The following DGKB variants were observed in gnomAD, a reference collection of about 807,000 sequenced individuals.
DGKB encodes the protein diacylglycerol kinase beta.
DGKB carries 67 observed loss-of-function variants against 114.3 expected under a neutral mutation model. The ratio of observed to expected loss-of-function variants is 0.59; its 90% CI spans 0.48 to 0.72. DGKB has a LOEUF of 0.72. DGKB is among the 30% of genes least tolerant of loss of function. The pLI, the probability that DGKB is intolerant of heterozygous loss-of-function variation, is 0.00. For synonymous variants in DGKB, 398 were observed against 323.1 expected (o/e 1.23, Z -2.49); for missense variants, 907 against 975.2 (o/e 0.93, Z 0.93).
intron 23 of DGKB, among the ~76,000 whole-genome samples, chr7:14,247,852 G>A (rs1376528972): frequency 6.6e-6 from 1 of 151,908 alleles, no homozygotes; most frequent in African/African-American, 2.4e-5. Context: ...TTAGTTTGAT[G>A]CAATATCACT....
At chr7:14,463,823 C>T (rs573860956) in intron 21 of DGKB, among the ~76,000 whole-genome samples, 27 of 152,078 alleles carry the variant, frequency 1.8e-4, no homozygotes, top group African/African-American at 6.0e-4. Flanking sequence ...TAAAATAATC[C>T]AGAAAAATCA....
rs185094666 is a variant in DGKB, at chr7:14,563,982, T to A, written c.1770+10230A>T. ...CCATTTCTGTTCTCCTAAAGGCAGC[T>A]CTGTGTTAGACCCATCAGAGTTTCA... On this transcript the variant is annotated intron_variant, in intron 20 of 25. Transcript: ENST00000402815. 6.2e-4 allele frequency among the ~76,000 whole-genome samples: 95 copies of A among 152,328 alleles called. 2 individuals carry two copies. Among genetic ancestry groups the A allele is most frequent in the Non-Finnish European group, 1.3e-3 (87 of 68,028 alleles).
At chr7:14,951,455 A>G (rs1786195388) in intron 1 of DGKB, among the ~76,000 whole-genome samples, 1 of 152,076 alleles carries the variant, frequency 6.6e-6, no homozygotes, top group South Asian at 2.1e-4. Context: ...GGAAAAGGCT[A>G]TGAAGACAGT....
At chr7:14,877,534 A>G (rs900990207) in intron 1 of DGKB, among the ~76,000 whole-genome samples, 10 of 152,178 alleles carry the variant, frequency 6.6e-5, no homozygotes, top group African/African-American at 2.4e-4. Context: ...CAGCCCGGGG[A>G]AAAATAGCGA....
chr7:14,840,326 T>A (rs1035507428), intron 2 of DGKB, among the ~76,000 whole-genome samples: 2 of 152,268 alleles, frequency 1.3e-5, no homozygotes, highest in Admixed American at 6.5e-5. Flanking sequence ...TATTGCTTTT[T>A]CTGTACTCAT....
intron 21 of DGKB, among the ~76,000 whole-genome samples, chr7:14,466,907 G>A (rs1397032133): frequency 1.3e-5 from 2 of 152,020 alleles, no homozygotes; most frequent in Non-Finnish European, 2.9e-5. Flanking sequence ...CTCTTATTTT[G>A]ACCAGTCAAG....
chr7:14,945,891 T>A (rs1276675412), intron 1 of DGKB, among the ~76,000 whole-genome samples: 2 of 151,588 alleles, frequency 1.3e-5, no homozygotes, highest in Admixed American at 6.6e-5. Flanking sequence ...AGTAGACAAG[T>A]CACAACGTTT....
chr7:14,568,298 T>G (rs1440946018), intron 20 of DGKB, among the ~76,000 whole-genome samples: 1 of 152,182 alleles, frequency 6.6e-6, no homozygotes, highest in East Asian at 1.9e-4. Flanking sequence ...TCATTTCCGA[T>G]AGTTCTGGCT....
At chr7:14,876,112 T>C (rs768144450) in intron 1 of DGKB, among the ~76,000 whole-genome samples, 13 of 152,024 alleles carry the variant, frequency 8.6e-5, no homozygotes, top group Non-Finnish European at 1.3e-4. Context: ...CAGGGCGGAG[T>C]GGAAGCAGCT....
chr7:14,924,072 T>C (rs1784637982), intron 1 of DGKB, among the ~76,000 whole-genome samples: 1 of 151,256 alleles, frequency 6.6e-6, no homozygotes, highest in Non-Finnish European at 1.5e-5. Flanking sequence ...TCTGTCTTGA[T>C]TACTAACTAC....
intron 23 of DGKB, among the ~76,000 whole-genome samples, chr7:14,281,902 G>C (rs1800019176): frequency 7.3e-6 from 1 of 137,646 alleles, no homozygotes; most frequent in South Asian, 2.5e-4. Flanking sequence ...GCCCACAAGA[G>C]AAAGCAGGAA....
intron 23 of DGKB, among the ~76,000 whole-genome samples, chr7:14,313,860 C>T (rs1234665741): frequency 6.6e-6 from 1 of 152,194 alleles, no homozygotes; most frequent in East Asian, 1.9e-4. Flanking sequence ...CAGCAGTAAC[C>T]TCTGCAGACT....
chr7:14,952,696 C>T (rs1266192530), intron 1 of DGKB, among the ~76,000 whole-genome samples: 1 of 151,856 alleles, frequency 6.6e-6, no homozygotes, highest in Non-Finnish European at 1.5e-5. Flanking sequence ...GAAGAGGTTG[C>T]AGCAGTGAGC....
chr7:14,199,429 G>C (rs1785505450), intron 23 of DGKB, among the ~76,000 whole-genome samples: 1 of 151,924 alleles, frequency 6.6e-6, no homozygotes, highest in African/African-American at 2.4e-5. Context: ...AATTAGGCTG[G>C]ACACCTCCGG....
intron 1 of DGKB, among the ~76,000 whole-genome samples, chr7:14,947,597 A>G (rs1362337282): frequency 7.4e-6 from 1 of 135,374 alleles, no homozygotes; most frequent in African/African-American, 2.8e-5. Context: ...CCTCATATAG[A>G]TATATGAAGA....
intron 1 of DGKB, among the ~76,000 whole-genome samples, chr7:14,942,566 C>T (rs1166903665): frequency 2.6e-5 from 4 of 151,980 alleles, no homozygotes; most frequent in Non-Finnish European, 5.9e-5. Flanking sequence ...GAAGTAATTA[C>T]AGCTTCAGGC....
rs200047163 is a variant in DGKB, at chr7:14,315,456, A to G, written c.2122+23059T>C. ...GAGGAAGATCTACCAAGCAAATGGAAAACAAAAAAAGGCAGGGGTTGCAAT... is the reference window on the plus strand; with the variant it reads ...GAGGAAGATCTACCAAGCAAATGGAGAACAAAAAAAGGCAGGGGTTGCAAT... On this transcript the variant is annotated intron_variant, in intron 23 of 25. Coordinates refer to ENST00000402815, the MANE Select transcript of DGKB (RefSeq NM_001350709.2). Among the ~76,000 whole-genome samples, 573 of 151,188 alleles carry G rather than the reference A, an allele frequency of 3.8e-3. 24 individuals are homozygous for G. The East Asian group carries it at 0.1, about 27-fold the overall frequency.
At chr7:14,425,005 G>T (rs190811943) in intron 21 of DGKB, among the ~76,000 whole-genome samples, 119 of 152,032 alleles carry the variant, frequency 7.8e-4, no homozygotes, top group African/African-American at 2.7e-3. Flanking sequence ...ATTCATCTTA[G>T]ATCTATAACT....
At chr7:14,704,696 C>G (rs968289876) in intron 6 of DGKB, among the ~76,000 whole-genome samples, 2 of 152,148 alleles carry the variant, frequency 1.3e-5, no homozygotes, top group Non-Finnish European at 2.9e-5. Flanking sequence ...GAGGCACCCT[C>G]CAGCAGGGGC....
Sources: gnomAD v4.1 joint callset for allele counts (sites outside exome capture counted in the v4.1 genomes callset) on GRCh38, gnomAD v4.1.1 for gene constraint, MANE v1.5 for transcripts, NCBI Gene and HGNC (gene_info 2026-07-23, HGNC 2026-07-21) for gene names.